Variants in KCNE1 observed in about 807,000 individuals in gnomAD.
The protein encoded by KCNE1 is potassium voltage-gated channel subfamily E member 1.
In KCNE1, 1 loss-of-function variant was observed where a neutral mutation model predicts 2.9. That is an observed-to-expected ratio of 0.34 (90% CI 0.12 to 1.62). The LOEUF (loss-of-function observed/expected upper bound fraction) is 1.62, where lower values mean the gene tolerates loss of function less well. Ranked by LOEUF, KCNE1 falls within the 40% of genes most tolerant of loss-of-function variation. The probability of loss-of-function intolerance (pLI) is 0.36; values close to 1 mark genes in which losing one functional copy is unlikely to be tolerated. For missense variants in KCNE1, 45 were observed against 150.5 expected, an observed-to-expected ratio of 0.30 and a Z score of 3.67; for synonymous variants, 23 against 65.4, an observed-to-expected ratio of 0.35 and a Z score of 3.13.
chr21:34,505,592 T>C (rs954314263), intron 2 of KCNE1, among the ~76,000 whole-genome samples: 3 of 152,136 alleles, frequency 2.0e-5, no homozygotes, highest in African/African-American at 4.8e-5. Flanking sequence ...AGCTGTGGGA[T>C]TGGGGCTTGA....
intron 2 of KCNE1, among the ~76,000 whole-genome samples, chr21:34,506,230 A>T (rs1293834268): frequency 6.6e-6 from 1 of 152,192 alleles, no homozygotes; most frequent in African/African-American, 2.4e-5. Context: ...CCACGGGGAC[A>T]AGCTTTTGGA....
chr21:34,508,033 C>CT (rs552851295), intron 2 of KCNE1, among the ~76,000 whole-genome samples: 2,918 of 146,356 alleles, frequency 0.02, 42 homozygotes, highest in Non-Finnish European at 0.029. Context: ...CTGTTGGGTT[C>CT]TTTTTTTTTT....
At position 34,506,666 on chromosome 21, in the gene KCNE1, T is replaced by C. The variant is rs572895780; in HGVS notation, c.-162+4435A>G. On this transcript the variant is annotated intron_variant, in intron 2 of 3. Coordinates refer to ENST00000399286, the MANE Select transcript of KCNE1 (RefSeq NM_000219.6). Reference sequence around the variant, plus strand: ...ATCTAATAAATATTTATTGAGTGACTATTTCATTCCAAGCATTCTGCTAGG... The same window carrying C: ...ATCTAATAAATATTTATTGAGTGACCATTTCATTCCAAGCATTCTGCTAGG... Among the ~76,000 whole-genome samples the C allele has an allele frequency of 7.2e-5, 11 of 152,374 alleles. No homozygotes were observed. In the South Asian group the frequency reaches 2.3e-3, roughly 32 times the overall value.
At position 34,503,685 on chromosome 21, in the gene KCNE1, C is replaced by G. The variant is rs137889153; in HGVS notation, c.-162+7416G>C. On this transcript the variant is annotated intron_variant, in intron 2 of 3. Coordinates refer to ENST00000399286, the MANE Select transcript of KCNE1 (RefSeq NM_000219.6). Reference sequence around the variant, plus strand: ...CACTCTGGAGACTTCAACTGTATATCAGGAAACATGGATGAAGACCAAATA... The same window carrying G: ...CACTCTGGAGACTTCAACTGTATATGAGGAAACATGGATGAAGACCAAATA... 3.3e-5 allele frequency among the ~76,000 whole-genome samples: 5 copies of G among 152,310 alleles called. No homozygotes were observed. In the East Asian group the frequency reaches 9.6e-4, roughly 29 times the overall value.
rs151068424 is a variant in KCNE1, at chr21:34,502,873, A to C, written c.-162+8228T>G. ...GCATGGCTTTAGAGTCTCTGAGCTC[A>C]CCATGACTTCTATTAGAGATAGCAT... On this transcript the variant is annotated intron_variant, in intron 2 of 3. Transcript: ENST00000399286. 2.6e-3 allele frequency among the ~76,000 whole-genome samples: 394 copies of C among 152,366 alleles called. 5 individuals are homozygous for C. The highest frequency in any genetic ancestry group is 8.8e-3 in the African/African-American group (368 of 41,592).
chr21:34,506,041 C>T (rs747878968), intron 2 of KCNE1, among the ~76,000 whole-genome samples: 2 of 152,180 alleles, frequency 1.3e-5, no homozygotes, highest in South Asian at 2.1e-4. Flanking sequence ...CTTGTAAAAG[C>T]GCTTGTATGT....
intron 2 of KCNE1, among the ~76,000 whole-genome samples, chr21:34,508,218 A>G (rs4455244): frequency 0.53 from 78,773 of 150,026 alleles, 20,935 homozygotes; most frequent in East Asian, 0.77. Context: ...TGTAGAGGCA[A>G]GGTTTCACCA....
chr21:34,507,099 A>G (rs572932452), intron 2 of KCNE1, among the ~76,000 whole-genome samples: 1 of 152,372 alleles, frequency 6.6e-6, no homozygotes, highest in African/African-American at 2.4e-5. Context: ...ATGATCAGAC[A>G]TAGGCTTGAA....
At chr21:34,500,854 T>G (rs1044476073) in intron 2 of KCNE1, among the ~76,000 whole-genome samples, 17 of 152,238 alleles carry the variant, frequency 1.1e-4, no homozygotes, top group African/African-American at 3.4e-4. Context: ...ACTATGTGAC[T>G]CTACCATAAT....
At chr21:34,505,733 G>A (rs927765271) in intron 2 of KCNE1, among the ~76,000 whole-genome samples, 2 of 152,090 alleles carry the variant, frequency 1.3e-5, no homozygotes, top group Admixed American at 1.3e-4. Flanking sequence ...AGTGGCCCAC[G>A]CAGATTTCTA....
rs185419051 is a variant in KCNE1, at chr21:34,500,860, A to G, written c.-162+10241T>C. On this transcript the variant is annotated intron_variant, in intron 2 of 3. Coordinates refer to ENST00000399286, the MANE Select transcript of KCNE1 (RefSeq NM_000219.6). ...TAGCACTTCACTATGTGACTCTACC[A>G]TAATTCACTCAAATTCATTTCAACC... 2.0e-4 allele frequency among the ~76,000 whole-genome samples: 30 copies of G among 152,302 alleles called. No individual in the cohort carries two copies. In the East Asian group the frequency reaches 5.0e-3, roughly 25 times the overall value.
chr21:34,506,368 G>T (rs1312133844), intron 2 of KCNE1, among the ~76,000 whole-genome samples: 1 of 152,172 alleles, frequency 6.6e-6, no homozygotes, highest in African/African-American at 2.4e-5. Flanking sequence ...CAGCCAGGGG[G>T]CATGGAGGAT....
At chr21:34,502,076 T>A (rs1983203977) in intron 2 of KCNE1, among the ~76,000 whole-genome samples, 1 of 152,200 alleles carries the variant, frequency 6.6e-6, no homozygotes, top group African/African-American at 2.4e-5. Context: ...CATTCATGCA[T>A]GCTTTTGCTG....
At chr21:34,505,549 A>G (rs2123524049) in intron 2 of KCNE1, among the ~76,000 whole-genome samples, 1 of 152,234 alleles carries the variant, frequency 6.6e-6, no homozygotes, top group Non-Finnish European at 1.5e-5. Flanking sequence ...GCAGGGATCA[A>G]TGGGCATCAT....
At chr21:34,453,866 GC>G (rs1423606242) in intron 3 of KCNE1, among the ~76,000 whole-genome samples, 1 of 70,980 alleles carries the variant, frequency 1.4e-5, no homozygotes, top group Non-Finnish European at 2.8e-5. Context: ...CCAAGATTGT[GC>G]CATTGCACTC....
Position 34,446,770 on chromosome 21 carries a change from T to C in KCNE1, c.*2475A>G, listed in dbSNP as rs913676929. The stretch of plus-strand genomic sequence containing the variant: ...TGTCCTAGCTAATGAATGCATAGAG[T>C]ATTGCCTGCAAAATAATAATTGAGA... On this transcript the variant is annotated 3_prime_UTR_variant, in exon 4 of 4. Transcript: ENST00000399286. The C allele has an allele frequency of 1.6e-4, 13 of 82,430 alleles. 5 individuals carry two copies. The highest frequency in any genetic ancestry group is 2.4e-4 in the Non-Finnish European group (9 of 36,964). 5.1% of individuals were successfully genotyped at this position (82,430 alleles called of 1,614,324 possible). A position where few individuals can be genotyped will look rare whatever the true frequency, so the allele number is the denominator to read the frequency against.
At chr21:34,501,267 A>G (rs1983153421) in intron 2 of KCNE1, among the ~76,000 whole-genome samples, 1 of 152,214 alleles carries the variant, frequency 6.6e-6, no homozygotes, top group South Asian at 2.1e-4. Flanking sequence ...GTTATCCACT[A>G]TAGTAAGTTA....
chr21:34,502,814 A>AACACTCTTT lies in KCNE1; in HGVS notation c.-162+8278_-162+8286dup, dbSNP rs567494040. 2.1e-4 allele frequency among the ~76,000 whole-genome samples: 32 copies of AACACTCTTT among 152,348 alleles called. No individual in the cohort carries two copies. The East Asian group carries it at 5.8e-3, about 28-fold the overall frequency. ...GTAATGACACATGATCAGAGGTCAC[A>AACACTCTTT]ACACTCTTTTTAAGTCACAGCAGTT... On this transcript the variant is annotated intron_variant, in intron 2 of 3. Transcript: ENST00000399286.
chr21:34,506,468 A>G (rs1267869476), intron 2 of KCNE1, among the ~76,000 whole-genome samples: 1 of 152,140 alleles, frequency 6.6e-6, no homozygotes, highest in Non-Finnish European at 1.5e-5. Context: ...TGTCTCCACC[A>G]AGAAAAGAGC....
Sources: allele counts gnomAD v4.1 joint callset (sites outside exome capture counted in the v4.1 genomes callset), GRCh38; gene constraint gnomAD v4.1.1; transcripts MANE v1.5; gene names NCBI Gene and HGNC (gene_info 2026-07-23, HGNC 2026-07-21).